FKBP1B: variants seen among roughly 807,000 people sequenced by gnomAD.
FKBP1B encodes peptidyl-prolyl cis-trans isomerase FKBP1B.
In FKBP1B, 4 loss-of-function variants were observed where a neutral mutation model predicts 13.5. The ratio of observed to expected loss-of-function variants is 0.30; its 90% CI spans 0.15 to 0.68. The LOEUF (loss-of-function observed/expected upper bound fraction) is 0.68. FKBP1B is among the 30% of genes least tolerant of loss of function. The probability of loss-of-function intolerance (pLI) is 0.76; values close to 1 mark genes in which losing one functional copy is unlikely to be tolerated. For synonymous variants in FKBP1B, 54 were observed against 53.6 expected (o/e 1.01, Z -0.03); for missense variants, 93 against 136.2 (o/e 0.68, Z 1.58).
chr2:24,062,939 C>A, intron 3 of FKBP1B, 125 bp from the exon 4 acceptor site: 2 of 1,401,680 alleles, frequency 1.4e-6, no homozygotes, highest in Non-Finnish European at 2.0e-6. Context: ...ATGTAAAATT[C>A]ATCTGAGATC....
At chr2:24,060,206 G>A (rs1268557391) in intron 2 of FKBP1B, among the ~76,000 whole-genome samples, 2 of 152,170 alleles carry the variant, frequency 1.3e-5, no homozygotes, top group African/African-American at 4.8e-5. Context: ...CAGTTAGGAG[G>A]TTGTTCCTGT....
chr2:24,040,193 G>T, the FKBP1B span, among the ~76,000 whole-genome samples: 91 of 152,182 alleles, frequency 6.0e-4, no homozygotes, highest in Middle Eastern at 3.4e-3. Context: ...AGCACTTGGG[G>T]TAAAATGTCA....
intron 2 of FKBP1B, among the ~76,000 whole-genome samples, chr2:24,056,447 G>A (rs142025815): frequency 2.6e-5 from 4 of 151,754 alleles, no homozygotes; most frequent in African/African-American, 7.3e-5. Flanking sequence ...GGGTTCAAGC[G>A]ATTCTTGTGC....
the FKBP1B span, chr2:24,038,853 G>A: frequency 1.2e-6 from 2 of 1,614,114 alleles, no homozygotes; most frequent in East Asian, 4.5e-5. Context: ...CAACCTGTGA[G>A]TCCACAGTTG....
chr2:24,036,253 C>G, the FKBP1B span, among the ~76,000 whole-genome samples: 1 of 151,920 alleles, frequency 6.6e-6, no homozygotes. Flanking sequence ...CACCTGTAAT[C>G]CCAGCACTTT....
At chr2:24,046,876 T>C (rs906280135), upstream of FKBP1B, among the ~76,000 whole-genome samples, 3 of 152,340 alleles carry the variant, frequency 2.0e-5, no homozygotes, top group African/African-American at 7.2e-5. Context: ...TAACATTATA[T>C]ATTAGCATTT....
chr2:24,036,385 T>C, the FKBP1B span, among the ~76,000 whole-genome samples: 1 of 151,294 alleles, frequency 6.6e-6, no homozygotes, highest in African/African-American at 2.4e-5. Flanking sequence ...CATGTGCTTG[T>C]AGTCTCAGCT....
At chr2:24,048,212 G>A (rs72852410), upstream of FKBP1B, among the ~76,000 whole-genome samples, 26,689 of 151,842 alleles carry the variant, frequency 0.18, 3,310 homozygotes, top group African/African-American at 0.35. Context: ...TGGCATGCCT[G>A]TAATCCCAGC....
the FKBP1B span, among the ~76,000 whole-genome samples, chr2:24,042,729 A>G: frequency 1.6e-4 from 23 of 147,586 alleles, no homozygotes; most frequent in African/African-American, 5.8e-4. Flanking sequence ...AAAATTTAGT[A>G]TAAAAACAAT....
chr2:24,057,086 C>G (rs963949409), intron 2 of FKBP1B, among the ~76,000 whole-genome samples: 2 of 152,206 alleles, frequency 1.3e-5, no homozygotes, highest in African/African-American at 4.8e-5. Context: ...TTCTCCCACA[C>G]TATGGCTTGC....
rs3769668 is a variant in FKBP1B, at chr2:24,050,730, T to C, written c.37+844T>C. 0.017 allele frequency among the ~76,000 whole-genome samples: 2,518 copies of C among 152,374 alleles called. 80 individuals are homozygous for C. The highest frequency in any genetic ancestry group is 0.064 in the Admixed American group (977 of 15,308). On this transcript the variant is annotated intron_variant, in intron 1 of 3. Coordinates refer to ENST00000380986, the MANE Select transcript of FKBP1B (RefSeq NM_004116.5). The surrounding 1 kb of genome is among the most constrained non-coding windows in gnomAD (Gnocchi z 5.8). Reference sequence around the variant, plus strand: ...TTAATTAATACCAAAGCCCCCATTGTCTGCAGGGTTTGATGGGCAAACTTC... The same window carrying C: ...TTAATTAATACCAAAGCCCCCATTGCCTGCAGGGTTTGATGGGCAAACTTC...
chr2:24,062,928 C>T (rs1301920286), intron 3 of FKBP1B, 136 bp from the exon 4 acceptor site: 1 of 1,275,156 alleles, frequency 7.8e-7, no homozygotes, highest in Non-Finnish European at 1.1e-6. Flanking sequence ...CAATGTATCC[C>T]ATGTAAAATT....
chr2:24,052,188 T>C (rs1044638774), intron 1 of FKBP1B, among the ~76,000 whole-genome samples: 6 of 152,224 alleles, frequency 3.9e-5, no homozygotes, highest in Admixed American at 6.5e-5. Context: ...TAAATCAAGC[T>C]ATCATTGATT....
At chr2:24,036,638 A>G in the FKBP1B span, among the ~76,000 whole-genome samples, 1 of 152,246 alleles carries the variant, frequency 6.6e-6, no homozygotes, top group African/African-American at 2.4e-5. Flanking sequence ...TAAGAGTACT[A>G]CTGCAGCATC....
chr2:24,057,286 C>T (rs187700997), intron 2 of FKBP1B, among the ~76,000 whole-genome samples: 43 of 152,106 alleles, frequency 2.8e-4, no homozygotes, highest in African/African-American at 9.6e-4. Context: ...GCCTTGACCT[C>T]CTGGGTTCAA....
chr2:24,038,561 T>C, the FKBP1B span: 1 of 1,614,204 alleles, frequency 6.2e-7, no homozygotes, highest in South Asian at 1.1e-5. Context: ...TCTTGGCCAG[T>C]TCCTGTCAAG....
At chr2:24,059,373 G>A (rs577716442) in intron 2 of FKBP1B, among the ~76,000 whole-genome samples, 2 of 54,190 alleles carry the variant, frequency 3.7e-5, no homozygotes, top group South Asian at 1.4e-3. Context: ...ACCAGCACCT[G>A]GGGGGGGGTT....
the FKBP1B span, among the ~76,000 whole-genome samples, chr2:24,037,485 T>C: frequency 1.3e-5 from 2 of 152,364 alleles, no homozygotes; most frequent in South Asian, 4.1e-4. Context: ...CAGACTGATA[T>C]GTGCGCCTAT....
chr2:24,059,963 G>A (rs1423987102), intron 2 of FKBP1B, among the ~76,000 whole-genome samples: 1 of 151,104 alleles, frequency 6.6e-6, no homozygotes, highest in Non-Finnish European at 1.5e-5. Context: ...ACCTGAAAAG[G>A]ACACAGAGGG....
Sources: gnomAD v4.1 joint callset for allele counts (sites outside exome capture counted in the v4.1 genomes callset) on GRCh38, gnomAD v4.1.1 for gene constraint, Gnocchi (gnomAD v3.1) non-coding constraint, MANE v1.5 for transcripts, NCBI Gene and HGNC (gene_info 2026-07-23, HGNC 2026-07-21) for gene names.